FAM135B: variants seen among roughly 807,000 people sequenced by gnomAD.
The protein encoded by FAM135B is protein FAM135B.
Under a neutral mutation model 127.7 loss-of-function variants are expected in FAM135B, and 43 were observed. The observed-to-expected ratio is 0.34, with a 90% CI of 0.26 to 0.43. The LOEUF is 0.43. Ranked by LOEUF, FAM135B falls within the 20% of genes least tolerant of loss-of-function variation. The pLI, the probability that FAM135B is intolerant of heterozygous loss-of-function variation, is 1.00. For synonymous variants in FAM135B, 670 were observed against 665.1 expected, an observed-to-expected ratio of 1.01 and a Z score of -0.11; for missense variants, 1,558 against 1,725.6, an observed-to-expected ratio of 0.90 and a Z score of 1.72.
intron 1 of FAM135B, among the ~76,000 whole-genome samples, chr8:138,428,513 C>G (rs989188655): frequency 2.6e-5 from 4 of 152,018 alleles, no homozygotes; most frequent in African/African-American, 9.7e-5. Flanking sequence ...TCTTGTGTAA[C>G]AGAGGAATCA....
Position 138,195,365 on chromosome 8 carries a change from G to C in FAM135B, c.824-58C>G, listed in dbSNP as rs1232992679. 1.9e-6 allele frequency: 3 copies of C among 1,552,136 alleles called. No homozygotes were observed. The Admixed American group carries it at 5.3e-5, about 27-fold the overall frequency. On this transcript the variant is annotated intron_variant, in intron 8 of 19. Coordinates refer to ENST00000395297, the MANE Select transcript of FAM135B (RefSeq NM_015912.4). The stretch of plus-strand genomic sequence containing the variant: ...GAACCCACACTGAAATGCAGCAGTT[G>C]CTAATTAAATGAAAAAGCAAAAGTT...
chr8:138,366,656 C>T (rs987435040), intron 2 of FAM135B, among the ~76,000 whole-genome samples: 2 of 152,142 alleles, frequency 1.3e-5, no homozygotes, highest in African/African-American at 4.8e-5. Context: ...TGAATTTCAT[C>T]CTTAAGTAAG....
chr8:138,380,635 T>C (rs375994787), intron 1 of FAM135B, among the ~76,000 whole-genome samples: 9 of 152,086 alleles, frequency 5.9e-5, no homozygotes, highest in Admixed American at 6.6e-5. Context: ...ACAGAACAAA[T>C]GTCCTCAGGA....
chr8:138,172,197 T>C (rs1267891859), intron 11 of FAM135B, among the ~76,000 whole-genome samples: 1 of 152,220 alleles, frequency 6.6e-6, no homozygotes, highest in African/African-American at 2.4e-5. Context: ...GTTGAGTTTA[T>C]TATTAGCACA....
At chr8:138,341,750 C>A (rs1441482895) in intron 2 of FAM135B, among the ~76,000 whole-genome samples, 1 of 152,062 alleles carries the variant, frequency 6.6e-6, no homozygotes, top group Non-Finnish European at 1.5e-5. Context: ...AGATGCCTGT[C>A]CCCTGCAATC....
At chr8:138,442,277 T>TATAC (rs3084268) in intron 1 of FAM135B, among the ~76,000 whole-genome samples, 2 of 134,226 alleles carry the variant, frequency 1.5e-5, no homozygotes, top group Non-Finnish European at 3.2e-5. Flanking sequence ...TATATATATA[T>TATAC]GAAAAACCTT....
At chr8:138,496,282 G>A (rs1815388473) in intron 1 of FAM135B, among the ~76,000 whole-genome samples, 1 of 152,130 alleles carries the variant, frequency 6.6e-6, no homozygotes. Flanking sequence ...GGATCACAGG[G>A]AATCGCTGCC....
At chr8:138,298,361 A>T (rs1825624997) in intron 3 of FAM135B, among the ~76,000 whole-genome samples, 1 of 152,216 alleles carries the variant, frequency 6.6e-6, no homozygotes, top group Non-Finnish European at 1.5e-5. Context: ...CTATTCAAAG[A>T]AAAAACTGAG....
At chr8:138,371,918 C>A (rs147415652) in intron 1 of FAM135B, among the ~76,000 whole-genome samples, 38 of 152,326 alleles carry the variant, frequency 2.5e-4, no homozygotes, top group African/African-American at 8.7e-4. Context: ...TGTGTCCAGG[C>A]ACTCTGGCAC....
At position 138,169,481 on chromosome 8, in the gene FAM135B, T is replaced by C. The variant is rs116614325; in HGVS notation, c.1104-1432A>G. 4.5e-3 allele frequency among the ~76,000 whole-genome samples: 685 copies of C among 152,332 alleles called. 5 individuals are homozygous for C. Among genetic ancestry groups the C allele is most frequent in the African/African-American group, 0.016 (660 of 41,554 alleles). ...AACTCTTTAAATGTTCTTCTCGGAT[T>C]ATTTAACTCTTTAAATGTTCTTCTC... On this transcript the variant is annotated intron_variant, in intron 11 of 19. Coordinates refer to ENST00000395297, the MANE Select transcript of FAM135B (RefSeq NM_015912.4).
chr8:138,293,846 A>G (rs1825292204), intron 3 of FAM135B, among the ~76,000 whole-genome samples: 1 of 152,194 alleles, frequency 6.6e-6, no homozygotes, highest in African/African-American at 2.4e-5. Context: ...GAGATTTCTT[A>G]AAGAACTAAA....
intron 1 of FAM135B, among the ~76,000 whole-genome samples, chr8:138,397,116 T>C (rs1298884248): frequency 6.6e-6 from 1 of 152,172 alleles, no homozygotes; most frequent in Non-Finnish European, 1.5e-5. Flanking sequence ...AAGAACCGGA[T>C]GAGCTGCTTT....
chr8:138,446,008 T>C (rs1334790090), intron 1 of FAM135B, among the ~76,000 whole-genome samples: 3 of 152,038 alleles, frequency 2.0e-5, no homozygotes, highest in Admixed American at 2.0e-4. Context: ...TATACACCAA[T>C]AATGGAAAAA....
At chr8:138,250,688 G>A (rs1255712565) in intron 6 of FAM135B, among the ~76,000 whole-genome samples, 153 bp downstream of exon 6, 3 of 151,922 alleles carry the variant, frequency 2.0e-5, no homozygotes, top group Non-Finnish European at 4.4e-5. Context: ...TTCCTCTCTC[G>A]CATGCTCCTC....
chr8:138,245,241 A>G (rs1821186453), intron 6 of FAM135B, among the ~76,000 whole-genome samples: 1 of 152,204 alleles, frequency 6.6e-6, no homozygotes, highest in Non-Finnish European at 1.5e-5. Flanking sequence ...AAGATTTCTA[A>G]GATTCCCAAA....
chr8:138,396,670 C>G (rs1253477604), intron 1 of FAM135B, among the ~76,000 whole-genome samples: 1 of 152,162 alleles, frequency 6.6e-6, no homozygotes, highest in African/African-American at 2.4e-5. Flanking sequence ...GGAGAAGTGC[C>G]TAATAATTGG....
chr8:138,279,476 G>T (rs1170197903), intron 3 of FAM135B, among the ~76,000 whole-genome samples: 10 of 152,152 alleles, frequency 6.6e-5, no homozygotes, highest in Non-Finnish European at 1.5e-4. Context: ...CTTCTATGAA[G>T]ATCTTCCCAA....
At chr8:138,181,312 C>T (rs960005115) in intron 9 of FAM135B, among the ~76,000 whole-genome samples, 3 of 152,144 alleles carry the variant, frequency 2.0e-5, no homozygotes, top group African/African-American at 7.2e-5. Flanking sequence ...CATTACAAAA[C>T]CTCCTGGCTA....
At chr8:138,401,175 G>A (rs953496848) in intron 1 of FAM135B, among the ~76,000 whole-genome samples, 7 of 152,134 alleles carry the variant, frequency 4.6e-5, no homozygotes, top group African/African-American at 1.7e-4. Context: ...TAGATTGCAG[G>A]ACTTCTCAGA....
Sources: allele counts gnomAD v4.1 joint callset (sites outside exome capture counted in the v4.1 genomes callset), GRCh38; gene constraint gnomAD v4.1.1; transcripts MANE v1.5; gene names NCBI Gene and HGNC (gene_info 2026-07-23, HGNC 2026-07-21).